ARID4A: variants seen among roughly 807,000 people sequenced by gnomAD.
ARID4A encodes the protein AT-rich interaction domain 4A, also known as AT-rich interactive domain-containing protein 4A.
In ARID4A, 39 loss-of-function variants were observed where a neutral mutation model predicts 148.6. The observed-to-expected ratio is 0.26, with a 90% CI of 0.20 to 0.34. ARID4A has a LOEUF of 0.34. Among genes scored for constraint, ARID4A ranks in the 10% least tolerant of loss-of-function variants. ARID4A has a pLI of 1.00. For missense variants in ARID4A, 1,265 were observed against 1,449.1 expected (o/e 0.87, Z 2.06); for synonymous variants, 475 against 481.2 (o/e 0.99, Z 0.17).
rs570902046 is a variant in ARID4A, at chr14:58,355,692, G to T, written c.1853+1837G>T. Among the ~76,000 whole-genome samples, 20 of 152,228 alleles carry T rather than the reference G, an allele frequency of 1.3e-4. 1 individual carries two copies. Among genetic ancestry groups the T allele is most frequent in the African/African-American group, 4.8e-4 (20 of 41,544 alleles). Reference sequence around the variant, plus strand: ...TTTCTTTTCTTTACAATGTGTTATTGAATTCAGGGGAAAAGGAATATATCA... The same window carrying T: ...TTTCTTTTCTTTACAATGTGTTATTTAATTCAGGGGAAAAGGAATATATCA... On this transcript the variant is annotated intron_variant, in intron 17 of 23. Coordinates refer to ENST00000355431, the MANE Select transcript of ARID4A (RefSeq NM_002892.4).
chr14:58,331,219 G>A (rs148601149), intron 11 of ARID4A: 1 of 152,274 alleles, frequency 6.6e-6, no homozygotes, highest in African/African-American at 2.4e-5. Flanking sequence ...CCATAGTAAC[G>A]TGCTGTTGGT....
At position 58,373,380 on chromosome 14, in the gene ARID4A, C is replaced by G. The variant is rs1360118778; in HGVS notation, c.*1391C>G. 5.4e-6 allele frequency: 1 copy of G among 184,038 alleles called. No individual in the cohort carries two copies. The highest frequency in any genetic ancestry group is 6.2e-5 in the Admixed American group (1 of 16,038). The allele number at this position is 184,038 out of a possible 1,614,324, so 11.4% of individuals were successfully genotyped here. On this transcript the variant is annotated 3_prime_UTR_variant, in exon 24 of 24. Transcript: ENST00000355431. ...ATTTTATAAAAGCAGTTTTTAAATT[C>G]ATGTTTGTACATTGAAAGGGGTTTT...
chr14:58,337,242 T>TATATATATATATATATATATATATATA (rs1566696601), intron 11 of ARID4A, among the ~76,000 whole-genome samples: 3 of 45,660 alleles, frequency 6.6e-5, no homozygotes, highest in African/African-American at 1.8e-4. Context: ...AACCTTCTCT[T>TATATATATATATATATATATATATATA]TATTTATATA....
intron 5 of ARID4A, among the ~76,000 whole-genome samples, chr14:58,317,667 T>G (rs1202606420): frequency 9.5e-5 from 14 of 147,628 alleles, no homozygotes; most frequent in African/African-American, 3.0e-4. Context: ...ATCTTGGTTT[T>G]GCTGTCACCC....
At position 58,356,921 on chromosome 14, in the gene ARID4A, C is replaced by T. The variant is rs977188441; in HGVS notation, c.1854-2211C>T. Among the ~76,000 whole-genome samples the T allele has an allele frequency of 3.9e-5, 6 of 152,010 alleles. No individual in the cohort carries two copies. The East Asian group carries it at 5.8e-4, about 15-fold the overall frequency. ...TTCACCATGTTGGCCAGGATGGTCT[C>T]GATTTCTTGACCTTGTGATCGCCCG... On this transcript the variant is annotated intron_variant, in intron 17 of 23. Coordinates refer to ENST00000355431, the MANE Select transcript of ARID4A (RefSeq NM_002892.4).
chr14:58,305,825 AC>A (rs747111284), intron 4 of ARID4A, among the ~76,000 whole-genome samples, 196 bp from the exon 5 acceptor site: 26 of 152,168 alleles, frequency 1.7e-4, no homozygotes, highest in Admixed American at 3.3e-4. Flanking sequence ...TAGCTACCTA[AC>A]TTTTGTCAAA....
intron 19 of ARID4A, among the ~76,000 whole-genome samples, chr14:58,362,126 C>G (rs907284970): frequency 1.3e-5 from 2 of 152,152 alleles, no homozygotes; most frequent in African/African-American, 2.4e-5. Flanking sequence ...CCTATAAATT[C>G]AATGCTGTTC....
intron 11 of ARID4A, among the ~76,000 whole-genome samples, chr14:58,335,965 C>T (rs1002057111): frequency 2.0e-5 from 3 of 151,948 alleles, no homozygotes; most frequent in African/African-American, 7.2e-5. Context: ...TTTCAACATC[C>T]ATGCTTGCCC....
At chr14:58,362,916 A>C (rs940230968) in intron 19 of ARID4A, among the ~76,000 whole-genome samples, 3 of 152,128 alleles carry the variant, frequency 2.0e-5, no homozygotes, top group Non-Finnish European at 2.9e-5. Context: ...TTTCAAGAAA[A>C]AAGCTATACT....
chr14:58,365,355 G>A, intron 20 of ARID4A, 55 bp downstream of exon 20: 1 of 1,531,280 alleles, frequency 6.5e-7, no homozygotes. Flanking sequence ...AATCAAAACT[G>A]TTGAGTTTCA....
intron 16 of ARID4A, among the ~76,000 whole-genome samples, chr14:58,352,636 G>C (rs1000904630): frequency 2.6e-5 from 4 of 151,874 alleles, no homozygotes; most frequent in African/African-American, 9.7e-5. Context: ...TTATTGGAAG[G>C]TGCCTTCCAA....
chr14:58,358,602 A>C (rs1261162354), intron 17 of ARID4A, among the ~76,000 whole-genome samples: 1 of 152,224 alleles, frequency 6.6e-6, no homozygotes, highest in Non-Finnish European at 1.5e-5. Flanking sequence ...TCTCTAAAAA[A>C]TTTCAGAATC....
At position 58,366,072 on chromosome 14, in the gene ARID4A, A is replaced by T. The variant is rs746735924; in HGVS notation, c.3365A>T (p.Lys1122Ile). ...CTTCCTGTCCTAGACAATTCAAGTA[A>T]ATGTACCCCAGTAAAGCATCTTAAT... Reference protein sequence around the residue: ...EDLPVLDNSSKCTPVKHLNVS... With the variant: ...EDLPVLDNSSICTPVKHLNVS... The change falls in exon 22 of 24, where the codon AAA becomes ATA. Residue 1122 changes from lysine to isoleucine, a missense_variant. This residue lies in a region of ARID4A where 666 missense variants were observed against 730.9 expected (regional missense o/e 0.91). Transcript: ENST00000355431. 6.2e-7 allele frequency: 1 copy of T among 1,613,856 alleles called. No individual in the cohort carries two copies. The highest frequency in any genetic ancestry group is 1.1e-5 in the South Asian group (1 of 91,076).
chr14:58,320,269 G>T (rs1022011965), intron 7 of ARID4A, among the ~76,000 whole-genome samples: 2 of 151,814 alleles, frequency 1.3e-5, no homozygotes, highest in African/African-American at 4.8e-5. Flanking sequence ...TTTATATTTT[G>T]TAATAATTTT....
At chr14:58,365,487 T>TTTTAAAAA in intron 20 of ARID4A, 31 bp from the exon 21 acceptor site, 16 of 1,266,232 alleles carry the variant, frequency 1.3e-5, no homozygotes, top group African/African-American at 1.6e-5. Context: ...TTTTTTTTTT[T>TTTTAAAAA]TTCAACATTC....
intron 5 of ARID4A, among the ~76,000 whole-genome samples, chr14:58,309,074 A>G (rs1292872826): frequency 6.6e-6 from 1 of 152,154 alleles, no homozygotes; most frequent in Non-Finnish European, 1.5e-5. Context: ...CTCAGTTTTT[A>G]AAAAATCTGG....
chr14:58,346,964 AAAAAAAAAAGAT>A, intron 13 of ARID4A, 44 bp from the exon 14 acceptor site: 1 of 393,634 alleles, frequency 2.5e-6, no homozygotes, highest in Non-Finnish European at 4.3e-6. Flanking sequence ...AAAAAAAAAA[AAAAAAAAAAGAT>A]TAATTCCCTT....
intron 12 of ARID4A, 123 bp downstream of exon 12, chr14:58,344,890 T>G: frequency 1.3e-6 from 1 of 749,700 alleles, no homozygotes; most frequent in Non-Finnish European, 2.1e-6. Flanking sequence ...TTATTTATTT[T>G]GAGGCAGGTT....
chr14:58,331,525 T>A (rs1160941427), intron 11 of ARID4A: 1 of 149,312 alleles, frequency 6.7e-6, no homozygotes, highest in African/African-American at 2.4e-5. Context: ...ATAGGTAAGA[T>A]TTTTTTGTGT....
Sources: gnomAD v4.1 joint callset for allele counts (sites outside exome capture counted in the v4.1 genomes callset) on GRCh38, gnomAD v4.1.1 for gene constraint, gnomAD v4.1.1 regional missense constraint, MANE v1.5 for transcripts, NCBI Gene and HGNC (gene_info 2026-07-23, HGNC 2026-07-21) for gene names.